DEUP1: variants seen among roughly 807,000 people sequenced by gnomAD.
DEUP1 encodes coiled-coil domain containing 67.
Under a neutral mutation model 87.4 loss-of-function variants are expected in DEUP1, and 82 were observed. The ratio of observed to expected loss-of-function variants is 0.94; its 90% CI spans 0.78 to 1.13. The LOEUF (loss-of-function observed/expected upper bound fraction) is 1.13, where lower values mean the gene tolerates loss of function less well. DEUP1 is among the 50% of genes most tolerant of loss of function. DEUP1 has a pLI of 0.00. For synonymous variants in DEUP1, 214 were observed against 222.7 expected, an observed-to-expected ratio of 0.96 and a Z score of 0.35; for missense variants, 663 against 681.5, an observed-to-expected ratio of 0.97 and a Z score of 0.30.
Position 93,364,834 on chromosome 11 carries a change from C to T in DEUP1, c.432+540C>T, listed in dbSNP as rs76079910. On this transcript the variant is annotated intron_variant, in intron 5 of 13. Transcript: ENST00000298050. ...ATAACTATATATATCTACTATGTAC[C>T]CACAAAAATTAAAAACAAAAAACTT... 7.6e-3 allele frequency among the ~76,000 whole-genome samples: 1,159 copies of T among 151,906 alleles called. 15 individuals carry two copies. Among genetic ancestry groups the T allele is most frequent in the African/African-American group, 0.027 (1,118 of 41,472 alleles).
Position 93,371,019 on chromosome 11 carries a change from C to T in DEUP1, c.547-19C>T. 1 of 1,594,954 alleles carries T rather than the reference C, an allele frequency of 6.3e-7. No homozygotes were observed. ...TATGACATTCTTCATTTGAGTTACA[C>T]AGTTTTTATATTTTTCAGAAACAGG... On this transcript the variant is annotated intron_variant, in intron 6 of 13. Coordinates refer to ENST00000298050, the MANE Select transcript of DEUP1 (RefSeq NM_181645.4).
chr11:93,402,263 A>G (rs1947142440), intron 11 of DEUP1, among the ~76,000 whole-genome samples: 1 of 152,090 alleles, frequency 6.6e-6, no homozygotes, highest in Non-Finnish European at 1.5e-5. Context: ...AAAATTCAGT[A>G]TCACTAATCA....
chr11:93,420,256 C>G (rs937311508), intron 13 of DEUP1, among the ~76,000 whole-genome samples: 28 of 152,120 alleles, frequency 1.8e-4, no homozygotes, highest in African/African-American at 6.5e-4. Flanking sequence ...AAGGCTGGTT[C>G]AACATACGCA....
chr11:93,387,446 A>AT (rs1001347929), intron 8 of DEUP1, among the ~76,000 whole-genome samples: 71 of 150,750 alleles, frequency 4.7e-4, no homozygotes, highest in Admixed American at 9.9e-4. Context: ...AGCTTTTTCT[A>AT]TTTTTTTTTA....
At chr11:93,377,709 C>A (rs1386247731) in intron 7 of DEUP1, among the ~76,000 whole-genome samples, 2 of 151,974 alleles carry the variant, frequency 1.3e-5, no homozygotes. Flanking sequence ...TTTTATAGGT[C>A]CTGTGAGATG....
At chr11:93,431,788 T>C (rs1948115202) in intron 13 of DEUP1, among the ~76,000 whole-genome samples, 1 of 152,050 alleles carries the variant, frequency 6.6e-6, no homozygotes. Flanking sequence ...GACAATGAAT[T>C]GTTTATGGGA....
At chr11:93,366,524 CCA>C (rs1451806355) in intron 5 of DEUP1, among the ~76,000 whole-genome samples, 4 of 152,160 alleles carry the variant, frequency 2.6e-5, no homozygotes, top group African/African-American at 9.7e-5. Flanking sequence ...CGTGACAACT[CCA>C]GTCTCTATAA....
At chr11:93,352,300 T>C in intron 2 of DEUP1, 1 of 699,344 alleles carries the variant, frequency 1.4e-6, no homozygotes. Flanking sequence ...GTATGTTCCT[T>C]AGGCTGAAGT....
intron 2 of DEUP1, among the ~76,000 whole-genome samples, chr11:93,350,779 G>C (rs139215342): frequency 6.6e-6 from 1 of 150,708 alleles, no homozygotes; most frequent in African/African-American, 2.4e-5. Context: ...ATGAAACCCC[G>C]TCTCTACTAA....
chr11:93,435,003 A>T (rs1402268013), intron 13 of DEUP1, among the ~76,000 whole-genome samples: 1 of 152,122 alleles, frequency 6.6e-6, no homozygotes, highest in African/African-American at 2.4e-5. Flanking sequence ...AGTGGATACC[A>T]TGGTCGTGCC....
At position 93,415,133 on chromosome 11, in the gene DEUP1, G is replaced by A. The variant is rs1480787189; in HGVS notation, c.1638+19G>A. Reference sequence around the variant, plus strand: ...CCCACTGGTGAGTTGCTGGTTGTGGGCTTTTTTTTTCTTTAATGGGTTATT... The same window carrying A: ...CCCACTGGTGAGTTGCTGGTTGTGGACTTTTTTTTTCTTTAATGGGTTATT... On this transcript the variant is annotated intron_variant, in intron 13 of 13. Coordinates refer to ENST00000298050, the MANE Select transcript of DEUP1 (RefSeq NM_181645.4). 1.3e-6 allele frequency: 2 copies of A among 1,502,162 alleles called. No individual in the cohort carries two copies. Among genetic ancestry groups the A allele is most frequent in the Admixed American group, 1.7e-5 (1 of 58,598 alleles). 93.1% of individuals were successfully genotyped at this position (1,502,162 alleles called of 1,614,324 possible).
chr11:93,437,523 T>C lies in DEUP1; in HGVS notation c.1639-20T>C. ...AAAGCTCTGTATTCCTCACTCACTT[T>C]TCTTTCTTTCTCTCTTTAGTCTCCC... On this transcript the variant is annotated intron_variant, in intron 13 of 13. Transcript: ENST00000298050. 1 of 1,587,872 alleles carries C rather than the reference T, an allele frequency of 6.3e-7. No homozygotes were observed. Among genetic ancestry groups the C allele is most frequent in the Non-Finnish European group, 8.6e-7 (1 of 1,168,214 alleles).
At chr11:93,355,592 A>G (rs370944951) in intron 3 of DEUP1, 50 bp downstream of exon 3, 10 of 1,455,388 alleles carry the variant, frequency 6.9e-6, no homozygotes, top group Non-Finnish European at 7.5e-6. Flanking sequence ...ACTGTTACAT[A>G]TAGTATTCTA....
At chr11:93,388,342 C>G (rs926616641) in intron 8 of DEUP1, among the ~76,000 whole-genome samples, 1 of 152,118 alleles carries the variant, frequency 6.6e-6, no homozygotes, top group Non-Finnish European at 1.5e-5. Flanking sequence ...TGCTGCTTCC[C>G]CTACCTGGTT....
At chr11:93,429,810 T>C (rs1948046609) in intron 13 of DEUP1, among the ~76,000 whole-genome samples, 1 of 152,158 alleles carries the variant, frequency 6.6e-6, no homozygotes, top group Admixed American at 6.6e-5. Context: ...ATCTCTAAAA[T>C]TCTACATTAC....
chr11:93,434,541 C>A (rs890088066), intron 13 of DEUP1, among the ~76,000 whole-genome samples: 2 of 152,156 alleles, frequency 1.3e-5, no homozygotes, highest in Non-Finnish European at 2.9e-5. Context: ...GCTACCTCTG[C>A]CAATATAGGA....
intron 7 of DEUP1, among the ~76,000 whole-genome samples, chr11:93,380,750 G>A (rs1335867092): frequency 2.6e-5 from 4 of 151,996 alleles, no homozygotes; most frequent in Non-Finnish European, 4.4e-5. Context: ...TGATTTCTAT[G>A]AGGAAGTTTA....
In DEUP1 at chr11:93,396,310, C is replaced by T. The variant is rs758848437; in HGVS notation, c.1311C>T (p.Asp437=). The T allele has an allele frequency of 1.3e-6, 2 of 1,566,562 alleles. No homozygotes were observed. The highest frequency in any genetic ancestry group is 2.4e-5 in the South Asian group (2 of 84,350). ...TAAAAGGAATGATGGGAGATTTAGACCCCGGAGAATACATGGTAATATGCT... is the reference window on the plus strand; with the variant it reads ...TAAAAGGAATGATGGGAGATTTAGATCCCGGAGAATACATGGTAATATGCT... The part of the protein sequence containing the change: ...THLKGMMGDL[D]PGEYMSMDFT... Residue 437 remains aspartate (D), a synonymous_variant, in exon 11 of 14, where the codon GAC becomes GAT. Coordinates refer to ENST00000298050, the MANE Select transcript of DEUP1 (RefSeq NM_181645.4).
intron 11 of DEUP1, among the ~76,000 whole-genome samples, chr11:93,404,309 C>T (rs2260769): frequency 0.41 from 62,600 of 151,740 alleles, 13,436 homozygotes; most frequent in Admixed American, 0.57. Flanking sequence ...CTTTTTAATG[C>T]CATATTTACT....
Sources: allele counts gnomAD v4.1 joint callset (sites outside exome capture counted in the v4.1 genomes callset), GRCh38; gene constraint gnomAD v4.1.1; transcripts MANE v1.5; gene names NCBI Gene and HGNC (gene_info 2026-07-23, HGNC 2026-07-21).